Variants in NYAP2 observed in about 807,000 individuals in gnomAD.
NYAP2 encodes the protein neuronal tyrosine-phosphorylated phosphoinositide-3-kinase adapter 2.
A neutral mutation model predicts 50.4 loss-of-function variants in NYAP2; 23 were observed. That is an observed-to-expected ratio of 0.46 (90% CI 0.33 to 0.65). NYAP2 has a LOEUF of 0.65. NYAP2 is among the 30% of genes least tolerant of loss of function. The pLI is 0.02. For missense variants in NYAP2, 885 were observed against 861.0 expected (o/e 1.03, Z -0.35); for synonymous variants, 394 against 365.2 (o/e 1.08, Z -0.90).
upstream of NYAP2, among the ~76,000 whole-genome samples, chr2:225,399,033 ACTATT>A: frequency 6.6e-6 from 1 of 151,962 alleles, no homozygotes; most frequent in African/African-American, 2.4e-5. Flanking sequence ...AATTCAGAAA[ACTATT>A]TTCTAAGACT....
At chr2:225,573,253 T>A (rs986826947) in intron 4 of NYAP2, among the ~76,000 whole-genome samples, 5 of 127,312 alleles carry the variant, frequency 3.9e-5, no homozygotes, top group African/African-American at 1.9e-4. Flanking sequence ...ATTATTTCTT[T>A]TTTTTTTTTT....
chr2:225,522,515 A>G (rs1168573257), intron 4 of NYAP2, among the ~76,000 whole-genome samples: 3 of 152,170 alleles, frequency 2.0e-5, no homozygotes, highest in African/African-American at 4.8e-5. Flanking sequence ...GAAGTTTGTT[A>G]TAAGTCACTG....
chr2:225,536,871 C>T (rs752137618), intron 4 of NYAP2, among the ~76,000 whole-genome samples: 30 of 151,666 alleles, frequency 2.0e-4, no homozygotes, highest in African/African-American at 6.5e-4. Context: ...CTCCGCCTCC[C>T]GGGTTCACGC....
chr2:225,607,437 T>C (rs1232223329), intron 5 of NYAP2, among the ~76,000 whole-genome samples: 1 of 152,160 alleles, frequency 6.6e-6, no homozygotes, highest in African/African-American at 2.4e-5. Flanking sequence ...GTGGCCTCCT[T>C]TCTTCAAGAA....
intron 3 of NYAP2, among the ~76,000 whole-genome samples, chr2:225,471,964 T>C (rs1339922693): frequency 7.1e-6 from 1 of 141,210 alleles, no homozygotes; most frequent in East Asian, 2.5e-4. Context: ...TAAGACTGTT[T>C]AATGAGTACT....
intron 5 of NYAP2, among the ~76,000 whole-genome samples, chr2:225,623,348 A>T (rs1282786633): frequency 1.3e-5 from 2 of 152,226 alleles, no homozygotes; most frequent in Admixed American, 6.5e-5. Context: ...ATAAACTACA[A>T]CCTATCATAA....
chr2:225,605,991 G>A (rs1197519852), intron 5 of NYAP2, among the ~76,000 whole-genome samples: 2 of 152,082 alleles, frequency 1.3e-5, no homozygotes, highest in Non-Finnish European at 2.9e-5. Context: ...TTTAATTGTG[G>A]CCTAGGCATG....
At chr2:225,551,042 C>T (rs970786736) in intron 4 of NYAP2, among the ~76,000 whole-genome samples, 6 of 152,066 alleles carry the variant, frequency 3.9e-5, no homozygotes, top group Non-Finnish European at 5.9e-5. Flanking sequence ...CAGCACTGGC[C>T]CAAAATATTA....
intron 3 of NYAP2, among the ~76,000 whole-genome samples, chr2:225,510,066 A>C (rs1399459132): frequency 6.6e-6 from 1 of 152,208 alleles, no homozygotes; most frequent in Non-Finnish European, 1.5e-5. Context: ...CTCTGCCAGG[A>C]GAAAAAGTCC....
intron 6 of NYAP2, among the ~76,000 whole-genome samples, chr2:225,631,981 C>T (rs1693325035): frequency 6.6e-6 from 1 of 152,082 alleles, no homozygotes; most frequent in African/African-American, 2.4e-5. Context: ...CCATGCCTGG[C>T]TAATTTTGGC....
chr2:225,523,085 G>C (rs1479690347), intron 4 of NYAP2, among the ~76,000 whole-genome samples: 1 of 152,030 alleles, frequency 6.6e-6, no homozygotes, highest in Non-Finnish European at 1.5e-5. Context: ...TAGAATCCTA[G>C]TTTGAGGACT....
At chr2:225,600,180 G>A (rs1270854391) in intron 5 of NYAP2, among the ~76,000 whole-genome samples, 2 of 152,116 alleles carry the variant, frequency 1.3e-5, no homozygotes, top group African/African-American at 2.4e-5. Context: ...TGGTTAGGTC[G>A]AAGATGAAAT....
At chr2:225,627,345 G>A (rs1309756768) in intron 6 of NYAP2, among the ~76,000 whole-genome samples, 2 of 152,318 alleles carry the variant, frequency 1.3e-5, no homozygotes, top group Middle Eastern at 3.4e-3. Flanking sequence ...CCTGAACGGT[G>A]CTTCTTGGAG....
chr2:225,516,967 T>C (rs935345117), intron 4 of NYAP2, among the ~76,000 whole-genome samples: 26 of 152,252 alleles, frequency 1.7e-4, no homozygotes, highest in African/African-American at 6.3e-4. Context: ...AGGCTTCTAT[T>C]TAAGTAAGGG....
At chr2:225,642,614 C>T (rs1174123529) in intron 6 of NYAP2, among the ~76,000 whole-genome samples, 1 of 152,096 alleles carries the variant, frequency 6.6e-6, no homozygotes, top group Admixed American at 6.6e-5. Flanking sequence ...TGACTTTGGT[C>T]ACATGTCCAT....
intron 5 of NYAP2, among the ~76,000 whole-genome samples, chr2:225,587,519 T>C (rs1188789945): frequency 1.3e-5 from 2 of 152,096 alleles, no homozygotes; most frequent in South Asian, 2.1e-4. Context: ...TTACTGGAGA[T>C]GTTTAAGAAT....
At chr2:225,534,082 C>T (rs931591919) in intron 4 of NYAP2, among the ~76,000 whole-genome samples, 1 of 151,848 alleles carries the variant, frequency 6.6e-6, no homozygotes, top group Non-Finnish European at 1.5e-5. Flanking sequence ...AAAAAACAAC[C>T]GAATAAGGAT....
chr2:225,537,418 A>G (rs192480249), intron 4 of NYAP2, among the ~76,000 whole-genome samples: 176 of 152,302 alleles, frequency 1.2e-3, no homozygotes, highest in African/African-American at 3.6e-3. Context: ...ACAGTTCCAC[A>G]TGGCTGGGGA....
chr2:225,552,373 C>G (rs1559212488), intron 4 of NYAP2, among the ~76,000 whole-genome samples: 1 of 152,192 alleles, frequency 6.6e-6, no homozygotes. Flanking sequence ...ATAATAACTT[C>G]ATGAAGAGAC....
Sources: allele counts gnomAD v4.1 joint callset (sites outside exome capture counted in the v4.1 genomes callset), GRCh38; gene constraint gnomAD v4.1.1; transcripts MANE v1.5; gene names NCBI Gene and HGNC (gene_info 2026-07-23, HGNC 2026-07-21).